Variants in SLC13A2 observed in about 807,000 individuals in gnomAD.
SLC13A2 encodes the protein solute carrier family 13 member 2.
Under a neutral mutation model 58.5 loss-of-function variants are expected in SLC13A2, and 40 were observed. The ratio of observed to expected loss-of-function variants is 0.68; its 90% confidence interval spans 0.53 to 0.89. The LOEUF (loss-of-function observed/expected upper bound fraction) is 0.89. SLC13A2 is among the 40% of genes least tolerant of loss of function. SLC13A2 has a pLI of 0.00. For missense variants in SLC13A2, 694 were observed against 772.6 expected, an observed-to-expected ratio of 0.90 and a Z score of 1.21; for synonymous variants, 341 against 331.6, an observed-to-expected ratio of 1.03 and a Z score of -0.31.
chr17:28,489,496 G>C (rs1232096766), intron 2 of SLC13A2, among the ~76,000 whole-genome samples, 154 bp downstream of exon 2: 1 of 152,180 alleles, frequency 6.6e-6, no homozygotes, highest in Non-Finnish European at 1.5e-5. Context: ...CAGCTAGAAG[G>C]CTGCGGGCTG....
intron 1 of SLC13A2, 102 bp downstream of exon 1, chr17:28,473,916 T>C: frequency 1.1e-6 from 1 of 916,720 alleles, no homozygotes; most frequent in Non-Finnish European, 1.7e-6. Context: ...ACTTCCTCAC[T>C]GCCCCTGCCC....
At position 28,490,802 on chromosome 17, in the gene SLC13A2, A is replaced by G. The variant is rs1555603213; in HGVS notation, c.470A>G (p.Asp157Gly). 1 of 1,614,006 alleles carries G rather than the reference A, an allele frequency of 6.2e-7. No individual in the cohort carries two copies. ...GTGCCCATCGCACATGCCGTCCTGGACCAGCTGCACAGCTCGCAAGCCAGC... is the reference window on the plus strand; with the variant it reads ...GTGCCCATCGCACATGCCGTCCTGGGCCAGCTGCACAGCTCGCAAGCCAGC... Reference protein sequence around the residue: ...MMVPIAHAVLDQLHSSQASSN... With the variant: ...MMVPIAHAVLGQLHSSQASSN... Residue 157 changes from aspartate to glycine, a missense_variant, in exon 4 of 12, where the codon GAC (aspartate) becomes GGC (glycine). Asp to Gly is a moderately conservative substitution (Grantham distance 94, BLOSUM62 -1). Coordinates refer to ENST00000314669, the MANE Select transcript of SLC13A2 (RefSeq NM_003984.4).
At position 28,494,387 on chromosome 17, in the gene SLC13A2, G is replaced by T. The variant is rs1555604216; in HGVS notation, c.1187-4G>T. On this transcript the variant is annotated splice_polypyrimidine_tract_variant and splice_region_variant and intron_variant, in intron 8 of 11. Transcript: ENST00000314669. This position sits in a 1 kb window ranked among gnomAD's most constrained non-coding sequence, Gnocchi z 4.0. Reference sequence around the variant, plus strand: ...TGACCCATCCTTCTCTGCTTGGGAAGTAGAAAACCCAGGGAAGCTGAAGGC... The same window carrying T: ...TGACCCATCCTTCTCTGCTTGGGAATTAGAAAACCCAGGGAAGCTGAAGGC... The T allele has an allele frequency of 1.2e-6, 2 of 1,614,216 alleles. No homozygotes were observed. Among genetic ancestry groups the T allele is most frequent in the Non-Finnish European group, 1.7e-6 (2 of 1,180,042 alleles).
Position 28,494,073 on chromosome 17 carries a change from C to A in SLC13A2, c.1154C>A (p.Pro385His), listed in dbSNP as rs2069090017. The A allele has an allele frequency of 1.6e-5, 26 of 1,614,024 alleles. No individual in the cohort carries two copies. Among genetic ancestry groups the A allele is most frequent in the Non-Finnish European group, 2.2e-5 (26 of 1,180,022 alleles). Reference protein sequence around the residue: ...IFIGIIMFIIPSKFPGLTQDP... With the variant: ...IFIGIIMFIIHSKFPGLTQDP... The stretch of plus-strand genomic sequence containing the variant: ...ATCGGCATAATTATGTTCATCATAC[C>A]CTCCAAGTTCCCAGGGCTGACCCAG... The change falls in exon 8 of 12, where the codon CCC becomes CAC. Residue 385 changes from proline (P) to histidine (H), a missense_variant. By Grantham distance (77) the Pro-to-His change is moderately conservative. Coordinates refer to ENST00000314669, the MANE Select transcript of SLC13A2 (RefSeq NM_003984.4). This position sits in a 1 kb window ranked among gnomAD's most constrained non-coding sequence, Gnocchi z 4.0.
At chr17:28,473,854 G>A (rs369816295) in intron 1 of SLC13A2, 40 bp downstream of exon 1, 1 of 1,558,398 alleles carries the variant, frequency 6.4e-7, no homozygotes, top group Non-Finnish European at 8.8e-7. Context: ...ACTCCAGGGG[G>A]CAGAGGAGGG....
chr17:28,491,592 C>T lies in SLC13A2; in HGVS notation c.730C>T (p.Leu244=). The T allele has an allele frequency of 6.2e-7, 1 of 1,613,512 alleles. No homozygotes were observed. The highest frequency in any genetic ancestry group is 8.5e-7 in the Non-Finnish European group (1 of 1,179,982). The change falls in exon 5 of 12, where the codon CTG becomes TTG. Residue 244 remains leucine (L), a synonymous_variant. Coordinates refer to ENST00000314669, the MANE Select transcript of SLC13A2 (RefSeq NM_003984.4). ...IATLTGTAPN[L]VLQGQINSLF... is the part of the protein sequence containing the mutation. ...CACGCTGACTGGCACCGCACCCAAC[C>T]TGGTGCTGCAAGGCCAGATCAACTC...
intron 1 of SLC13A2, among the ~76,000 whole-genome samples, chr17:28,479,456 G>T (rs782221822): frequency 6.6e-6 from 1 of 152,160 alleles, no homozygotes; most frequent in African/African-American, 2.4e-5. Flanking sequence ...CTACAGGGAG[G>T]AGTAGGGATT....
chr17:28,483,256 C>G (rs908140187), intron 1 of SLC13A2, among the ~76,000 whole-genome samples: 2 of 152,186 alleles, frequency 1.3e-5, no homozygotes, highest in African/African-American at 4.8e-5. Flanking sequence ...TGTAACCTCT[C>G]TGGTTCTCCA....
chr17:28,489,433 C>T (rs2151456495), intron 2 of SLC13A2, 91 bp downstream of exon 2: 1 of 1,444,404 alleles, frequency 6.9e-7, no homozygotes, highest in Non-Finnish European at 9.3e-7. Flanking sequence ...GGAAGCCTCA[C>T]CATAGGCAGG....
At chr17:28,480,764 T>A (rs1269367990) in intron 1 of SLC13A2, among the ~76,000 whole-genome samples, 1 of 152,224 alleles carries the variant, frequency 6.6e-6, no homozygotes, top group Non-Finnish European at 1.5e-5. Flanking sequence ...TCTGGAGCCC[T>A]GTGTGGATAC....
intron 11 of SLC13A2, 82 bp from the exon 12 acceptor site, chr17:28,497,017 C>T: frequency 6.8e-7 from 1 of 1,464,206 alleles, no homozygotes; most frequent in Non-Finnish European, 9.4e-7. Flanking sequence ...TAGGAGGGCT[C>T]CTGTGCACCC....
At chr17:28,491,402 T>A (rs1296679596) in intron 4 of SLC13A2, 35 bp from the exon 5 acceptor site, 2 of 1,609,912 alleles carry the variant, frequency 1.2e-6, no homozygotes, top group Non-Finnish European at 1.7e-6. Flanking sequence ...GCTGGCCCTG[T>A]ACCTGCCCCC....
At chr17:28,479,836 G>A (rs1210434399) in intron 1 of SLC13A2, among the ~76,000 whole-genome samples, 1 of 152,236 alleles carries the variant, frequency 6.6e-6, no homozygotes, top group African/African-American at 2.4e-5. Flanking sequence ...CTTGGGCAAC[G>A]TAGAGAGACT....
intron 1 of SLC13A2, among the ~76,000 whole-genome samples, chr17:28,484,318 C>G (rs1290644344): frequency 2.0e-5 from 3 of 152,130 alleles, no homozygotes; most frequent in Non-Finnish European, 4.4e-5. Context: ...AATATTTGAG[C>G]TGAGATCTCA....
intron 7 of SLC13A2, 41 bp downstream of exon 7, chr17:28,493,830 T>C (rs2069081859): frequency 6.2e-7 from 1 of 1,604,324 alleles, no homozygotes; most frequent in African/African-American, 1.3e-5. Context: ...CATCTGGGGC[T>C]CACATGCTCG....
intron 1 of SLC13A2, among the ~76,000 whole-genome samples, chr17:28,475,735 G>A (rs943984409): frequency 6.6e-6 from 1 of 152,122 alleles, no homozygotes; most frequent in African/African-American, 2.4e-5. Flanking sequence ...TCTTTGCCGT[G>A]CTGTCTTCTC....
In SLC13A2 at chr17:28,477,342, T is replaced by C. The variant is rs555549793; in HGVS notation, c.102+3528T>C. On this transcript the variant is annotated intron_variant, in intron 1 of 11. Transcript: ENST00000314669. The stretch of plus-strand genomic sequence containing the variant: ...CCGAGTAGCTGGGACTACAGTCACC[T>C]GCCACCACGCCCGGCTAATTTTTTT... Among the ~76,000 whole-genome samples, 772 of 151,548 alleles carry C rather than the reference T, an allele frequency of 5.1e-3. 3 individuals carry two copies. Among genetic ancestry groups the C allele is most frequent in the African/African-American group, 0.017 (693 of 41,354 alleles).
intron 1 of SLC13A2, among the ~76,000 whole-genome samples, chr17:28,474,363 G>A (rs2068636405): frequency 6.6e-6 from 1 of 152,158 alleles, no homozygotes. Context: ...ACCGCTGCAG[G>A]TAGACAGCAC....
At chr17:28,489,174 A>C in intron 1 of SLC13A2, 40 bp from the exon 2 acceptor site, 1 of 1,606,066 alleles carries the variant, frequency 6.2e-7, no homozygotes, top group Non-Finnish European at 8.5e-7. Flanking sequence ...TCTGGGACAC[A>C]GGCCCTCTGA....
Sources: allele counts gnomAD v4.1 joint callset (sites outside exome capture counted in the v4.1 genomes callset), GRCh38; gene constraint gnomAD v4.1.1; non-coding constraint Gnocchi (gnomAD v3.1); transcripts MANE v1.5; gene names NCBI Gene and HGNC (gene_info 2026-07-23, HGNC 2026-07-21).